ENAH: variants seen among roughly 807,000 people sequenced by gnomAD.
The protein encoded by ENAH is ENAH actin regulator, also known as protein enabled homolog.
In ENAH, 23 loss-of-function variants were observed where a neutral mutation model predicts 78.7. The observed-to-expected ratio is 0.29, with a 90% confidence interval of 0.21 to 0.41. The LOEUF is 0.41. Among genes scored for constraint, ENAH ranks in the 10% least tolerant of loss-of-function variants. ENAH has a pLI of 1.00. For synonymous variants in ENAH, 226 were observed against 241.0 expected (o/e 0.94, Z 0.58); for missense variants, 544 against 691.0 (o/e 0.79, Z 2.39).
At chr1:225,619,961 G>C (rs1008983999) in intron 1 of ENAH, among the ~76,000 whole-genome samples, 10 of 152,178 alleles carry the variant, frequency 6.6e-5, no homozygotes, top group Non-Finnish European at 1.5e-4. Context: ...AACATCTGGT[G>C]ATCTGTGACT....
At chr1:225,552,819 G>A (rs776156411) in intron 3 of ENAH, among the ~76,000 whole-genome samples, 3 of 152,172 alleles carry the variant, frequency 2.0e-5, no homozygotes, top group Admixed American at 6.5e-5. Context: ...AATGATGGCC[G>A]ATTTTCCTAT....
chr1:225,623,925 C>A lies in ENAH; in HGVS notation c.5+28761G>T, dbSNP rs141042007. Among the ~76,000 whole-genome samples, 334 of 152,242 alleles carry A rather than the reference C, an allele frequency of 2.2e-3. 1 individual carries two copies. Among genetic ancestry groups the A allele is most frequent in the Non-Finnish European group, 3.5e-3 (239 of 68,002 alleles). On this transcript the variant is annotated intron_variant, in intron 1 of 13. Transcript: ENST00000366843. Reference sequence around the variant, plus strand: ...AGTAGTTTTTCACTCTTGACTTCCTCCCCTGCTTTTGGAATCCCCAGTGTT... The same window carrying A: ...AGTAGTTTTTCACTCTTGACTTCCTACCCTGCTTTTGGAATCCCCAGTGTT...
At chr1:225,572,240 G>A (rs975383379) in intron 1 of ENAH, among the ~76,000 whole-genome samples, 1 of 152,118 alleles carries the variant, frequency 6.6e-6, no homozygotes, top group African/African-American at 2.4e-5. Context: ...TACTAACTCC[G>A]ATTACAGGTG....
intron 1 of ENAH, among the ~76,000 whole-genome samples, chr1:225,617,849 T>G (rs1231154818): frequency 6.6e-6 from 1 of 152,220 alleles, no homozygotes; most frequent in Non-Finnish European, 1.5e-5. Flanking sequence ...CCAAAATGGT[T>G]AGATAATATA....
chr1:225,581,411 T>A (rs2096816938), intron 1 of ENAH: 1 of 355,196 alleles, frequency 2.8e-6, no homozygotes, highest in Non-Finnish European at 3.9e-6. Flanking sequence ...GACGTGGAAA[T>A]AAAAACGGGA....
chr1:225,573,015 T>C lies in ENAH; in HGVS notation c.6-5601A>G, dbSNP rs140934583. On this transcript the variant is annotated intron_variant, in intron 1 of 13. Transcript: ENST00000366843. ...TTGTCAGGTAGTTCATTTCTGAATA[T>C]TGTCAAATTGACTGAGCAGGTATAT... 1.7e-3 allele frequency among the ~76,000 whole-genome samples: 263 copies of C among 152,352 alleles called. 1 individual carries two copies. Among genetic ancestry groups the C allele is most frequent in the African/African-American group, 5.8e-3 (242 of 41,586 alleles).
intron 1 of ENAH, among the ~76,000 whole-genome samples, chr1:225,585,733 G>A (rs1461008414): frequency 6.6e-6 from 1 of 152,104 alleles, no homozygotes; most frequent in Non-Finnish European, 1.5e-5. Flanking sequence ...AGGCTGCAGT[G>A]AAGCATGTCT....
intron 1 of ENAH, among the ~76,000 whole-genome samples, chr1:225,632,773 A>T (rs1255947637): frequency 1.3e-5 from 2 of 152,264 alleles, no homozygotes; most frequent in Non-Finnish European, 2.9e-5. Flanking sequence ...GGAATGGCGC[A>T]GACGCCCCCC....
At chr1:225,505,064 GA>G in intron 11 of ENAH, 1 of 1,595,842 alleles carries the variant, frequency 6.3e-7, no homozygotes, top group Non-Finnish European at 8.6e-7. Flanking sequence ...CTATGAAGGG[GA>G]AAACCATTGA....
At chr1:225,591,790 A>AAAAAAAAAAAAAAAAG (rs1558871378) in intron 1 of ENAH, among the ~76,000 whole-genome samples, 1 of 147,138 alleles carries the variant, frequency 6.8e-6, no homozygotes, top group African/African-American at 2.5e-5. Context: ...AAAAAAAAAA[A>AAAAAAAAAAAAAAAAG]GGGCTTCAAA....
At chr1:225,545,910 CTTTTTTTTTTTTTTT>C (rs56105983) in intron 3 of ENAH, among the ~76,000 whole-genome samples, 4 of 109,418 alleles carry the variant, frequency 3.7e-5, no homozygotes, top group South Asian at 6.4e-4. Flanking sequence ...CATCTGTAAA[CTTTTTTTTTTTTTTT>C]TTTTTTTTTT....
intron 1 of ENAH, among the ~76,000 whole-genome samples, chr1:225,579,782 G>A (rs2096806192): frequency 6.6e-6 from 1 of 152,058 alleles, no homozygotes; most frequent in Non-Finnish European, 1.5e-5. Flanking sequence ...AAAAGAATAG[G>A]TAAAAAGAAA....
chr1:225,517,743 G>A lies in ENAH; in HGVS notation c.803-437C>T, dbSNP rs72753031. The A allele has an allele frequency of 3.1e-3, 4,748 of 1,551,248 alleles. 14 individuals carry two copies. Among genetic ancestry groups the A allele is most frequent in the Admixed American group, 4.0e-3 (205 of 51,000 alleles). On this transcript the variant is annotated intron_variant, in intron 5 of 13. Transcript: ENST00000366843. ...TGTTCAGAGGACGAGGAACTGTAGC[G>A]TAATGGGGAAGAACAGGGTGGAAGG...
At chr1:225,520,887 C>A (rs1209921705) in intron 4 of ENAH, among the ~76,000 whole-genome samples, 1 of 116,770 alleles carries the variant, frequency 8.6e-6, no homozygotes, top group African/African-American at 3.1e-5. Context: ...AAGGAGGAAG[C>A]GGGGAAGGAA....
chr1:225,518,087 T>G, intron 5 of ENAH: 1 of 1,020,928 alleles, frequency 9.8e-7, no homozygotes, highest in Non-Finnish European at 1.4e-6. Context: ...TCAGACACAA[T>G]GTATAAATGT....
chr1:225,631,593 AG>A (rs1206464279), intron 1 of ENAH, among the ~76,000 whole-genome samples: 6 of 150,572 alleles, frequency 4.0e-5, no homozygotes, highest in Admixed American at 1.3e-4. Flanking sequence ...AAAAAAAAAA[AG>A]GCATAAACTA....
At chr1:225,576,229 T>G (rs2096787015) in intron 1 of ENAH, among the ~76,000 whole-genome samples, 1 of 146,654 alleles carries the variant, frequency 6.8e-6, no homozygotes, top group Non-Finnish European at 1.5e-5. Context: ...TGAGTCATGA[T>G]CATGTCACTG....
At chr1:225,586,241 C>CAA (rs34817622) in intron 1 of ENAH, among the ~76,000 whole-genome samples, 2,467 of 100,104 alleles carry the variant, frequency 0.025, 64 homozygotes, top group Non-Finnish European at 0.034. Context: ...GAGACAAGCT[C>CAA]AAAAAAAAAA....
At chr1:225,553,147 T>G (rs974629245) in intron 3 of ENAH, among the ~76,000 whole-genome samples, 2 of 151,978 alleles carry the variant, frequency 1.3e-5, no homozygotes, top group East Asian at 3.9e-4. Flanking sequence ...GGAGGGAGAA[T>G]CACTCGAACC....
Sources: allele counts gnomAD v4.1 joint callset (sites outside exome capture counted in the v4.1 genomes callset), GRCh38; gene constraint gnomAD v4.1.1; transcripts MANE v1.5; gene names NCBI Gene and HGNC (gene_info 2026-07-23, HGNC 2026-07-21).